Variants in STAU1 observed in about 807,000 individuals in gnomAD.
STAU1 encodes the protein double-stranded RNA-binding protein Staufen homolog 1.
Under a neutral mutation model 62.9 loss-of-function variants are expected in STAU1, and 13 were observed. The ratio of observed to expected loss-of-function variants is 0.21; its 90% confidence interval spans 0.13 to 0.33. The LOEUF is 0.33. Ranked by LOEUF, STAU1 falls within the 10% of genes least tolerant of loss-of-function variation. The pLI, the probability that STAU1 is intolerant of heterozygous loss-of-function variation, is 1.00. For missense variants in STAU1, 571 were observed against 712.1 expected (o/e 0.80, Z 2.25); for synonymous variants, 269 against 265.1 (o/e 1.01, Z -0.14).
intron 1 of STAU1, among the ~76,000 whole-genome samples, chr20:49,186,148 C>A (rs955637709): frequency 3.3e-5 from 5 of 152,048 alleles, no homozygotes; most frequent in Non-Finnish European, 7.4e-5. Flanking sequence ...GAGTTCGAGA[C>A]CAGTCTGGCC....
chr20:49,147,937 T>C (rs1001764513), intron 5 of STAU1, among the ~76,000 whole-genome samples: 2 of 152,252 alleles, frequency 1.3e-5, no homozygotes, highest in Non-Finnish European at 2.9e-5. Context: ...TGTCAGTGAA[T>C]ATACACCAAA....
rs546625663 is a variant in STAU1, at chr20:49,155,157, C to A, written c.206-1086G>T. On this transcript the variant is annotated intron_variant, in intron 3 of 13. Coordinates refer to ENST00000371856, the MANE Select transcript of STAU1 (RefSeq NM_017453.4). ...AACACAAAGCACACTCAAAGAGTTA[C>A]AATACAACATGATGTGCAACTTAAA... 2.0e-5 allele frequency among the ~76,000 whole-genome samples: 3 copies of A among 151,976 alleles called. No homozygotes were observed. The East Asian group carries it at 5.8e-4, about 29-fold the overall frequency.
chr20:49,213,705 C>T, the STAU1 span, among the ~76,000 whole-genome samples: 1 of 152,114 alleles, frequency 6.6e-6, no homozygotes, highest in African/African-American at 2.4e-5. Context: ...TAAATCCAGC[C>T]TCACCAATGC....
In STAU1 at chr20:49,168,356, C is replaced by G. The variant is rs140884947; in HGVS notation, c.-84-2071G>C. Among the ~76,000 whole-genome samples, 836 of 152,262 alleles carry G rather than the reference C, an allele frequency of 5.5e-3. 5 individuals carry two copies. The highest frequency in any genetic ancestry group is 0.02 in the Middle Eastern group (6 of 294). ...TCAGCCTCCCAAAGTCCTGGGATTACAAGTGTGAGGCACCGCACTCTGCTC... is the reference window on the plus strand; with the variant it reads ...TCAGCCTCCCAAAGTCCTGGGATTAGAAGTGTGAGGCACCGCACTCTGCTC... On this transcript the variant is annotated intron_variant, in intron 2 of 13. Transcript: ENST00000371856.
intron 4 of STAU1, among the ~76,000 whole-genome samples, chr20:49,153,565 G>C (rs6125573): frequency 7.9e-4 from 119 of 150,078 alleles, no homozygotes; most frequent in Non-Finnish European, 1.4e-3. Context: ...AAAAAAATCA[G>C]CCAGGCGTGG....
At chr20:49,203,600 G>A in the STAU1 span, among the ~76,000 whole-genome samples, 1 of 152,156 alleles carries the variant, frequency 6.6e-6, no homozygotes, top group South Asian at 2.1e-4. Flanking sequence ...CCCTTTCATT[G>A]AAATACCTTT....
intron 3 of STAU1, among the ~76,000 whole-genome samples, chr20:49,164,362 A>G (rs963167689): frequency 1.6e-4 from 24 of 151,954 alleles, no homozygotes; most frequent in African/African-American, 4.8e-5. Flanking sequence ...ATACAGTGGT[A>G]TAATTACAGC....
chr20:49,217,718 A>T, the STAU1 span, among the ~76,000 whole-genome samples: 1 of 145,802 alleles, frequency 6.9e-6, no homozygotes, highest in Admixed American at 6.9e-5. Flanking sequence ...GCAGTGGCTC[A>T]TGCCTGTAAT....
chr20:49,133,437 C>CA (rs2092797647), intron 6 of STAU1, among the ~76,000 whole-genome samples: 1 of 152,202 alleles, frequency 6.6e-6, no homozygotes, highest in Non-Finnish European at 1.5e-5. Context: ...AAAATCCACT[C>CA]TCATGACAGA....
chr20:49,186,039 T>A (rs1172787428), intron 1 of STAU1, among the ~76,000 whole-genome samples: 2 of 151,916 alleles, frequency 1.3e-5, no homozygotes, highest in African/African-American at 4.8e-5. Flanking sequence ...GACCTCGTGA[T>A]CCACCCGCCT....
chr20:49,141,840 G>GT (rs1330480156), intron 5 of STAU1, among the ~76,000 whole-genome samples: 1 of 152,200 alleles, frequency 6.6e-6, no homozygotes, highest in African/African-American at 2.4e-5. Context: ...AAGTGGGACT[G>GT]TATCTTTCCC....
At chr20:49,164,388 C>A (rs2146371150) in intron 3 of STAU1, among the ~76,000 whole-genome samples, 1 of 151,532 alleles carries the variant, frequency 6.6e-6, no homozygotes, top group Middle Eastern at 3.4e-3. Flanking sequence ...GCAGCCTCGA[C>A]CTCCTGGACT....
intron 3 of STAU1, among the ~76,000 whole-genome samples, chr20:49,157,957 A>T (rs1371903512): frequency 6.6e-6 from 1 of 151,672 alleles, no homozygotes; most frequent in East Asian, 2.0e-4. Context: ...CACCCCAAAG[A>T]TTTGAGATTC....
At chr20:49,176,912 G>GTTT (rs11368238) in intron 1 of STAU1, among the ~76,000 whole-genome samples, 1 of 135,724 alleles carries the variant, frequency 7.4e-6, no homozygotes, top group Non-Finnish European at 1.6e-5. Context: ...AGGGTGTCTA[G>GTTT]TTTTTTTTTT....
At chr20:49,215,013 A>C in the STAU1 span, among the ~76,000 whole-genome samples, 2,229 of 152,282 alleles carry the variant, frequency 0.015, 44 homozygotes, top group African/African-American at 0.05. Flanking sequence ...AAGGCTGAGG[A>C]AGTCTGAGGT....
At chr20:49,210,979 C>T in the STAU1 span, among the ~76,000 whole-genome samples, 1 of 152,048 alleles carries the variant, frequency 6.6e-6, no homozygotes, top group Non-Finnish European at 1.5e-5. Context: ...ATTCCCTAAT[C>T]CCCCACATTT....
chr20:49,158,133 T>A (rs1010256359), intron 3 of STAU1, among the ~76,000 whole-genome samples: 4 of 151,602 alleles, frequency 2.6e-5, no homozygotes, highest in African/African-American at 9.7e-5. Flanking sequence ...AATACAAAAA[T>A]TAGCCACGTG....
At chr20:49,195,921 A>T in the STAU1 span, among the ~76,000 whole-genome samples, 31 of 88,130 alleles carry the variant, frequency 3.5e-4, no homozygotes, top group African/African-American at 8.7e-4. Flanking sequence ...AAAAAAAGAA[A>T]AAAGAAAAAA....
the STAU1 span, among the ~76,000 whole-genome samples, chr20:49,194,127 A>C: frequency 6.6e-6 from 1 of 152,056 alleles, no homozygotes; most frequent in Non-Finnish European, 1.5e-5. Flanking sequence ...TCAAATATTT[A>C]AATAGAAGAA....
Sources: gnomAD v4.1 joint callset for allele counts (sites outside exome capture counted in the v4.1 genomes callset) on GRCh38, gnomAD v4.1.1 for gene constraint, MANE v1.5 for transcripts, NCBI Gene and HGNC (gene_info 2026-07-23, HGNC 2026-07-21) for gene names.